GSE1: variants seen among roughly 807,000 people sequenced by gnomAD.
GSE1 encodes the protein genetic suppressor element 1.
In GSE1, 32 loss-of-function variants were observed where a neutral mutation model predicts 112.6. That is an observed-to-expected ratio of 0.28 (90% confidence interval 0.21 to 0.38). The LOEUF (loss-of-function observed/expected upper bound fraction) is 0.38, where lower values mean the gene tolerates loss of function less well. GSE1 is among the 10% of genes least tolerant of loss of function. GSE1 has a pLI of 1.00. For missense variants in GSE1, 2,348 were observed against 1,699.2 expected (o/e 1.38, Z -6.71); for synonymous variants, 1,115 against 735.6 (o/e 1.52, Z -8.35).
At chr16:85,514,242 C>T (rs1332491497) in intron 2 of GSE1, among the ~76,000 whole-genome samples, 1 of 151,328 alleles carries the variant, frequency 6.6e-6, no homozygotes, top group Non-Finnish European at 1.5e-5. Context: ...TTCTCTCTTC[C>T]CCTCTCCCTC....
At chr16:85,178,192 G>A (rs2074507036) in intron 1 of GSE1, among the ~76,000 whole-genome samples, 1 of 152,170 alleles carries the variant, frequency 6.6e-6, no homozygotes, top group Admixed American at 6.5e-5. Flanking sequence ...AAACAGGCGT[G>A]CACAGGGAAG....
chr16:85,273,260 G>C lies in GSE1; in HGVS notation c.2284-84203G>C, dbSNP rs76115425. Among the ~76,000 whole-genome samples, 1,497 of 152,342 alleles carry C rather than the reference G, an allele frequency of 9.8e-3. 21 individuals carry two copies. Among genetic ancestry groups the C allele is most frequent in the African/African-American group, 0.034 (1,429 of 41,542 alleles). On this transcript the variant is annotated intron_variant, in intron 1 of 2. Transcript: ENST00000637419. ...ACAGTGATGCTAGGCCATTGAGTCA[G>C]CGCAACATCCACTTAGGAAGAGTAG...
At chr16:85,580,263 A>G (rs2046394873) in intron 1 of GSE1, 1 of 152,504 alleles carries the variant, frequency 6.6e-6, no homozygotes, top group African/African-American at 2.4e-5. Flanking sequence ...GGCTGTCCCG[A>G]TGATGTTCCA....
intron 2 of GSE1, among the ~76,000 whole-genome samples, chr16:85,420,202 C>T (rs1206598007): frequency 6.6e-6 from 1 of 151,960 alleles, no homozygotes; most frequent in African/African-American, 2.4e-5. Context: ...GCCTGGGCAA[C>T]ACAGCGAGAC....
intron 2 of GSE1, among the ~76,000 whole-genome samples, chr16:85,648,108 C>T (rs1026290625): frequency 6.6e-6 from 1 of 151,982 alleles, no homozygotes; most frequent in African/African-American, 2.4e-5. Flanking sequence ...CTGGGATGTC[C>T]ACAGGCCCTT....
chr16:85,612,922 G>A (rs914258456), upstream of GSE1, among the ~76,000 whole-genome samples: 7 of 151,002 alleles, frequency 4.6e-5, no homozygotes, highest in African/African-American at 9.9e-5. Context: ...ACTACTTTAA[G>A]AGTTAAGTGG....
chr16:85,635,397 C>T (rs991151426), intron 2 of GSE1, among the ~76,000 whole-genome samples: 2 of 152,198 alleles, frequency 1.3e-5, no homozygotes, highest in African/African-American at 2.4e-5. Context: ...CCTGGCCACA[C>T]CTGAGCGGGC....
At chr16:85,262,745 C>G (rs1001086756) in intron 1 of GSE1, among the ~76,000 whole-genome samples, 3 of 152,228 alleles carry the variant, frequency 2.0e-5, no homozygotes, top group African/African-American at 7.2e-5. Flanking sequence ...GCCCAGTTTC[C>G]TCATCCGAAA....
intron 2 of GSE1, among the ~76,000 whole-genome samples, chr16:85,452,454 C>T (rs565114475): frequency 6.2e-4 from 95 of 152,368 alleles, no homozygotes; most frequent in African/African-American, 2.2e-3. Flanking sequence ...GCCATACTCA[C>T]GCAGACTTTT....
intron 1 of GSE1, among the ~76,000 whole-genome samples, chr16:85,603,501 A>AT (rs931824900): frequency 3.3e-5 from 5 of 151,868 alleles, no homozygotes; most frequent in Admixed American, 6.6e-5. Context: ...TTCAGATTGG[A>AT]TTTTTTTGTT....
chr16:85,509,091 G>A (rs1010907733), intron 2 of GSE1, among the ~76,000 whole-genome samples: 2 of 152,156 alleles, frequency 1.3e-5, no homozygotes, highest in African/African-American at 4.8e-5. Context: ...GAGAAGAAAC[G>A]CTCACCTGGT....
intron 2 of GSE1, among the ~76,000 whole-genome samples, chr16:85,520,428 ATT>A (rs376118011): frequency 1.7e-3 from 244 of 142,870 alleles, no homozygotes; most frequent in African/African-American, 5.9e-3. Context: ...CCCTGCTCCT[ATT>A]TTTTTTTTTT....
chr16:85,433,768 G>A (rs907902087), intron 2 of GSE1, among the ~76,000 whole-genome samples: 1 of 152,134 alleles, frequency 6.6e-6, no homozygotes, highest in Admixed American at 6.6e-5. Context: ...ATGGATGGAT[G>A]CTGGATAGAT....
In GSE1 at chr16:85,456,579, CGTGTGTGTGTGTGTGTGTGTGTGT is replaced by C. The variant is rs35279881; in HGVS notation, c.2464+98974_2464+98997del. Among the ~76,000 whole-genome samples the C allele has an allele frequency of 9.8e-4, 90 of 91,554 alleles. 1 individual carries two copies. In the South Asian group the frequency reaches 0.011, roughly 11 times the overall value. 60.1% of individuals were successfully genotyped at this position (91,554 alleles called of 152,430 possible). A position where few individuals can be genotyped will look rare whatever the true frequency, so the allele number is the denominator to read the frequency against. On this transcript the variant is annotated intron_variant, in intron 2 of 2. Coordinates refer to the GSE1 transcript ENST00000637419. Reference sequence around the variant, plus strand: ...AGGGAGGGGAGGGTCATTTTCCTGCCGTGTGTGTGTGTGTGTGTGTGTGTGTGTGTGTGTGTGTGTGTGTGTGTG... The same window carrying C: ...AGGGAGGGGAGGGTCATTTTCCTGCCGTGTGTGTGTGTGTGTGTGTGTGTG...
At chr16:85,652,646 C>G (rs1041387830) in intron 3 of GSE1, among the ~76,000 whole-genome samples, 2 of 152,198 alleles carry the variant, frequency 1.3e-5, no homozygotes, top group African/African-American at 4.8e-5. Context: ...TGCACTGCCT[C>G]TGCGCGGGTG....
chr16:85,429,496 A>G (rs1380795885), intron 2 of GSE1, among the ~76,000 whole-genome samples: 1 of 152,178 alleles, frequency 6.6e-6, no homozygotes, highest in Non-Finnish European at 1.5e-5. Context: ...GTGAGGCGTC[A>G]TCATGTCCCT....
intron 2 of GSE1, among the ~76,000 whole-genome samples, chr16:85,504,310 G>A (rs769059506): frequency 7.2e-5 from 11 of 152,336 alleles, no homozygotes; most frequent in South Asian, 2.1e-4. Context: ...GTTTGGACTC[G>A]TGCTGCGGGC....
intron 1 of GSE1, among the ~76,000 whole-genome samples, chr16:85,339,175 G>A (rs896688760): frequency 5.3e-5 from 8 of 152,192 alleles, no homozygotes; most frequent in Non-Finnish European, 1.0e-4. Flanking sequence ...CAGTAGCCAG[G>A]CCCGTAGTAG....
intron 14 of GSE1, among the ~76,000 whole-genome samples, chr16:85,670,105 G>T (rs1034441602): frequency 2.6e-5 from 4 of 152,196 alleles, no homozygotes; most frequent in Non-Finnish European, 5.9e-5. Flanking sequence ...ATCATTTTTG[G>T]ACGTGAAGTT....
Sources: gnomAD v4.1 joint callset for allele counts (sites outside exome capture counted in the v4.1 genomes callset) on GRCh38, gnomAD v4.1.1 for gene constraint, MANE v1.5 for transcripts, NCBI Gene and HGNC (gene_info 2026-07-23, HGNC 2026-07-21) for gene names.